Variants in ZBTB20 observed in about 807,000 individuals in gnomAD.
ZBTB20 encodes zinc finger and BTB domain-containing protein 20.
A neutral mutation model predicts 56.9 loss-of-function variants in ZBTB20; 9 were observed. The observed-to-expected ratio is 0.16, with a 90% CI of 0.10 to 0.28. ZBTB20 has a LOEUF of 0.28. ZBTB20 is among the 10% of genes least tolerant of loss of function. The pLI is 1.00. For synonymous variants in ZBTB20, 417 were observed against 420.7 expected (o/e 0.99, Z 0.11); for missense variants, 655 against 1,003.0 (o/e 0.65, Z 4.69).
intron 5 of ZBTB20, among the ~76,000 whole-genome samples, chr3:114,699,272 G>A (rs888027841): frequency 1.3e-5 from 2 of 152,078 alleles, no homozygotes; most frequent in African/African-American, 2.4e-5. Flanking sequence ...GGATATCAAC[G>A]TAATTCATCT....
intron 3 of ZBTB20, among the ~76,000 whole-genome samples, chr3:114,965,917 A>T (rs1219309442): frequency 6.6e-6 from 1 of 152,106 alleles, no homozygotes; most frequent in Non-Finnish European, 1.5e-5. Context: ...ACCCCTTATC[A>T]GGTGTACATT....
chr3:115,013,308 C>T (rs2079801368), intron 2 of ZBTB20, among the ~76,000 whole-genome samples: 2 of 151,502 alleles, frequency 1.3e-5, no homozygotes, highest in South Asian at 2.1e-4. Flanking sequence ...AATTGACAAA[C>T]TTTTAGACCC....
chr3:114,672,414 C>T (rs2061403648), intron 6 of ZBTB20, among the ~76,000 whole-genome samples: 1 of 152,076 alleles, frequency 6.6e-6, no homozygotes, highest in Non-Finnish European at 1.5e-5. Context: ...CATTGCAAAT[C>T]CATCAGGTAC....
chr3:114,594,766 A>G (rs1235815531), intron 6 of ZBTB20, among the ~76,000 whole-genome samples: 1 of 152,216 alleles, frequency 6.6e-6, no homozygotes, highest in East Asian at 1.9e-4. Context: ...GGAAAATACC[A>G]AAAATGTTCT....
intron 7 of ZBTB20, among the ~76,000 whole-genome samples, chr3:114,412,429 C>G (rs1242421634): frequency 6.6e-6 from 1 of 152,092 alleles, no homozygotes; most frequent in Non-Finnish European, 1.5e-5. Flanking sequence ...AGGGAATGCT[C>G]TGACAAAGCT....
chr3:114,502,284 G>T (rs1198048406), intron 6 of ZBTB20, among the ~76,000 whole-genome samples: 1 of 152,178 alleles, frequency 6.6e-6, no homozygotes. Flanking sequence ...TCTTTGCATT[G>T]AAAAGGCTAA....
chr3:114,383,552 G>A (rs554873242), intron 8 of ZBTB20: 54 of 152,296 alleles, frequency 3.5e-4, no homozygotes, highest in African/African-American at 1.3e-3. Context: ...TCTATAAACA[G>A]GAAATGTTAG....
At chr3:115,007,038 T>G (rs2079501801) in intron 2 of ZBTB20, among the ~76,000 whole-genome samples, 1 of 151,906 alleles carries the variant, frequency 6.6e-6, no homozygotes, top group Non-Finnish European at 1.5e-5. Flanking sequence ...ATGATGAGAA[T>G]AGGAGTATTT....
intron 4 of ZBTB20, among the ~76,000 whole-genome samples, chr3:114,843,296 G>T (rs1183603399): frequency 6.6e-6 from 1 of 152,076 alleles, no homozygotes; most frequent in Non-Finnish European, 1.5e-5. Context: ...ATGTAGGCAG[G>T]CCCTTAATCT....
At chr3:114,343,865 T>C (rs1156976526) in intron 11 of ZBTB20, among the ~76,000 whole-genome samples, 1 of 152,102 alleles carries the variant, frequency 6.6e-6, no homozygotes, top group African/African-American at 2.4e-5. Context: ...CTGACCAACA[T>C]GGTGAAACCA....
At chr3:114,488,708 G>C in intron 7 of ZBTB20, among the ~76,000 whole-genome samples, 1 of 152,248 alleles carries the variant, frequency 6.6e-6, no homozygotes, top group South Asian at 2.1e-4. Context: ...ATAATTAATT[G>C]ATCCTAAGGA....
At chr3:114,366,449 C>A (rs1434483949) in intron 10 of ZBTB20, among the ~76,000 whole-genome samples, 1 of 152,084 alleles carries the variant, frequency 6.6e-6, no homozygotes, top group East Asian at 1.9e-4. Flanking sequence ...CATATATTTT[C>A]TCTGTAAATA....
intron 6 of ZBTB20, among the ~76,000 whole-genome samples, chr3:114,621,528 A>G (rs2058319757): frequency 6.6e-6 from 1 of 152,204 alleles, no homozygotes; most frequent in South Asian, 2.1e-4. Context: ...TAGGGGAATC[A>G]CATAAATACT....
Position 114,351,226 on chromosome 3 carries a change from G to C in ZBTB20, c.852C>G (p.Asp284Glu). The part of the protein sequence containing the change: ...LGLPRDHHME[D>E]PSWITRIHER... ...CATGGATGCGTGTGATCCAGCTGGGGTCTTCCATGTGGTGGTCGCGGGGCA... is the reference window on the plus strand; with the variant it reads ...CATGGATGCGTGTGATCCAGCTGGGCTCTTCCATGTGGTGGTCGCGGGGCA... Residue 284 changes from aspartate to glutamate, a missense_variant, in exon 11 of 12, where the codon GAC (aspartate) becomes GAG (glutamate). Transcript: ENST00000675478. 6.2e-7 allele frequency: 1 copy of C among 1,601,796 alleles called. No individual in the cohort carries two copies. The highest frequency in any genetic ancestry group is 8.5e-7 in the Non-Finnish European group (1 of 1,179,208).
chr3:115,053,914 T>C (rs1236950935), intron 2 of ZBTB20, among the ~76,000 whole-genome samples: 1 of 152,156 alleles, frequency 6.6e-6, no homozygotes, highest in Non-Finnish European at 1.5e-5. Context: ...GGTTGGTTTA[T>C]CATTATATTG....
At chr3:114,597,156 C>A (rs1166192108) in intron 6 of ZBTB20, among the ~76,000 whole-genome samples, 1 of 152,034 alleles carries the variant, frequency 6.6e-6, no homozygotes, top group Admixed American at 6.6e-5. Context: ...TATTTTATGC[C>A]AAGACACAAA....
chr3:114,582,526 C>T (rs765689119), intron 6 of ZBTB20, among the ~76,000 whole-genome samples: 2 of 151,918 alleles, frequency 1.3e-5, no homozygotes, highest in South Asian at 2.1e-4. Flanking sequence ...CTTACAGGCA[C>T]GTGCCATCAT....
At chr3:114,353,375 C>A (rs998725644) in intron 10 of ZBTB20, among the ~76,000 whole-genome samples, 23 of 152,186 alleles carry the variant, frequency 1.5e-4, no homozygotes, top group Admixed American at 1.5e-3. Flanking sequence ...AGCGTTTCTA[C>A]CTTGCTTCAC....
chr3:114,872,221 C>A (rs1310857854), intron 4 of ZBTB20, among the ~76,000 whole-genome samples: 1 of 152,042 alleles, frequency 6.6e-6, no homozygotes, highest in Non-Finnish European at 1.5e-5. Flanking sequence ...TGCTTACTGG[C>A]AGAATCCATG....
Sources: allele counts gnomAD v4.1 joint callset (sites outside exome capture counted in the v4.1 genomes callset), GRCh38; gene constraint gnomAD v4.1.1; transcripts MANE v1.5; gene names NCBI Gene and HGNC (gene_info 2026-07-23, HGNC 2026-07-21).